The following ERBB4 variants were observed in gnomAD, a reference collection of about 807,000 sequenced individuals.
ERBB4 encodes receptor tyrosine-protein kinase erbB-4.
In ERBB4, 42 loss-of-function variants were observed where a neutral mutation model predicts 158.0. That is an observed-to-expected ratio of 0.27 (90% CI 0.21 to 0.34). ERBB4 has a LOEUF of 0.34. Ranked by LOEUF, ERBB4 falls within the 10% of genes least tolerant of loss-of-function variation. The pLI is 1.00. For missense variants in ERBB4, 1,333 were observed against 1,624.1 expected (o/e 0.82, Z 3.08); for synonymous variants, 583 against 558.7 (o/e 1.04, Z -0.61).
Position 212,213,302 on chromosome 2 carries a change from G to A in ERBB4, c.83-88399C>T, listed in dbSNP as rs564053503. The stretch of plus-strand genomic sequence containing the variant: ...GAAGACATTTACACAGCCAACAAAC[G>A]TATGAAAGAAAGCTCAACATCACTG... On this transcript the variant is annotated intron_variant, in intron 1 of 27. Transcript: ENST00000342788. Among the ~76,000 whole-genome samples the A allele has an allele frequency of 1.2e-3, 185 of 151,936 alleles. 2 individuals carry two copies. Among genetic ancestry groups the A allele is most frequent in the African/African-American group, 4.1e-3 (171 of 41,486 alleles).
intron 1 of ERBB4, among the ~76,000 whole-genome samples, chr2:212,333,956 A>G (rs2088306975): frequency 6.6e-6 from 1 of 152,084 alleles, no homozygotes; most frequent in Admixed American, 6.6e-5. Context: ...GTACCTTAAC[A>G]TTACAAGCAC....
intron 20 of ERBB4, among the ~76,000 whole-genome samples, chr2:211,553,385 A>C (rs10497945): frequency 0.31 from 46,694 of 152,056 alleles, 9,270 homozygotes; most frequent in African/African-American, 0.57. Context: ...TTCCAAAGGC[A>C]AAAAATATTG....
chr2:211,767,150 G>A (rs1377506294), intron 4 of ERBB4, among the ~76,000 whole-genome samples: 1 of 152,086 alleles, frequency 6.6e-6, no homozygotes, highest in African/African-American at 2.4e-5. Flanking sequence ...TAATAAATCT[G>A]TGCTTTTATT....
At chr2:211,966,726 AACCAAT>A (rs781236117) in intron 2 of ERBB4, among the ~76,000 whole-genome samples, 21 of 152,110 alleles carry the variant, frequency 1.4e-4, no homozygotes, top group Non-Finnish European at 3.1e-4. Context: ...CTACTTGGAA[AACCAAT>A]ACCCTGTAGT....
intron 3 of ERBB4, among the ~76,000 whole-genome samples, chr2:211,867,023 C>CAAAAAA (rs1559592690): frequency 5.1e-5 from 1 of 19,454 alleles, no homozygotes; most frequent in Admixed American, 6.4e-4. Flanking sequence ...TTCCTTAAAA[C>CAAAAAA]CAAAAAAAAA....
At chr2:212,527,960 T>C (rs1392084124) in intron 1 of ERBB4, among the ~76,000 whole-genome samples, 1 of 150,328 alleles carries the variant, frequency 6.7e-6, no homozygotes, top group African/African-American at 2.4e-5. Context: ...GGTGTTTGGT[T>C]TTTTGTCCTT....
intron 25 of ERBB4, among the ~76,000 whole-genome samples, chr2:211,400,839 C>A (rs1244760097): frequency 6.6e-6 from 1 of 151,800 alleles, no homozygotes; most frequent in Non-Finnish European, 1.5e-5. Context: ...CCCTATTTAC[C>A]CTGATGTGAT....
chr2:212,063,774 C>T (rs4672634), intron 2 of ERBB4, among the ~76,000 whole-genome samples: 92,885 of 152,042 alleles, frequency 0.61, 32,271 homozygotes, highest in East Asian at 0.92. Context: ...GTATGCGTTT[C>T]TCTCATACAA....
At chr2:211,576,156 G>A (rs1286888411) in intron 19 of ERBB4, among the ~76,000 whole-genome samples, 4 of 152,078 alleles carry the variant, frequency 2.6e-5, no homozygotes, top group Non-Finnish European at 4.4e-5. Context: ...GGCAAAAGGG[G>A]TTATAATAAA....
intron 1 of ERBB4, among the ~76,000 whole-genome samples, chr2:212,416,105 C>T (rs1324106616): frequency 2.0e-5 from 3 of 152,126 alleles, no homozygotes; most frequent in Non-Finnish European, 2.9e-5. Flanking sequence ...TCTATTGACT[C>T]GCATTTGTAT....
intron 20 of ERBB4, among the ~76,000 whole-genome samples, chr2:211,501,840 CAGTT>C (rs1029368148): frequency 1.3e-5 from 2 of 152,030 alleles, no homozygotes; most frequent in Non-Finnish European, 2.9e-5. Context: ...TTATGAACAT[CAGTT>C]ACTCTATTCT....
chr2:211,632,466 A>G (rs2070180000), intron 16 of ERBB4, among the ~76,000 whole-genome samples: 1 of 152,082 alleles, frequency 6.6e-6, no homozygotes. Flanking sequence ...CTAATGTCCA[A>G]CATTTCGTTA....
At chr2:212,053,995 G>C (rs373840140) in intron 2 of ERBB4, among the ~76,000 whole-genome samples, 2 of 152,128 alleles carry the variant, frequency 1.3e-5, no homozygotes, top group Non-Finnish European at 2.9e-5. Context: ...AGCTGAGAGA[G>C]AACAGAAGAG....
intron 3 of ERBB4, among the ~76,000 whole-genome samples, chr2:211,829,565 A>G (rs1427587040): frequency 6.6e-6 from 1 of 152,136 alleles, no homozygotes; most frequent in Non-Finnish European, 1.5e-5. Flanking sequence ...CTTGTTTATC[A>G]TCTGCTTCTC....
At chr2:212,047,862 A>T (rs1033084863) in intron 2 of ERBB4, among the ~76,000 whole-genome samples, 3 of 152,158 alleles carry the variant, frequency 2.0e-5, no homozygotes, top group Non-Finnish European at 4.4e-5. Context: ...TCTTGTTTTC[A>T]TGGAGTTTAG....
chr2:212,191,702 C>CGT (rs761102781), intron 1 of ERBB4, among the ~76,000 whole-genome samples: 13,633 of 38,260 alleles, frequency 0.36, 2,393 homozygotes, highest in Non-Finnish European at 0.47. Flanking sequence ...ACATATAACA[C>CGT]GTGTTATACA....
At chr2:211,453,068 A>G (rs1234244281) in intron 20 of ERBB4, among the ~76,000 whole-genome samples, 1 of 152,188 alleles carries the variant, frequency 6.6e-6, no homozygotes, top group Non-Finnish European at 1.5e-5. Flanking sequence ...GATTGCAAGG[A>G]GAAAATTCGA....
chr2:211,769,467 C>T (rs548729772), intron 4 of ERBB4, among the ~76,000 whole-genome samples: 36 of 152,216 alleles, frequency 2.4e-4, no homozygotes, highest in African/African-American at 7.7e-4. Context: ...TATTAGTCAG[C>T]GTTCTCTAGA....
intron 1 of ERBB4, among the ~76,000 whole-genome samples, chr2:212,454,518 T>C (rs1344501723): frequency 1.3e-5 from 2 of 152,334 alleles, no homozygotes; most frequent in East Asian, 1.9e-4. Flanking sequence ...TATAATAATA[T>C]GAAAACTTTT....
Sources: allele counts gnomAD v4.1 joint callset (sites outside exome capture counted in the v4.1 genomes callset), GRCh38; gene constraint gnomAD v4.1.1; transcripts MANE v1.5; gene names NCBI Gene and HGNC (gene_info 2026-07-23, HGNC 2026-07-21).